NCAM1: variants seen among roughly 807,000 people sequenced by gnomAD.
NCAM1 encodes the protein neural cell adhesion molecule 1.
Under a neutral mutation model 109.8 loss-of-function variants are expected in NCAM1, and 14 were observed. The ratio of observed to expected loss-of-function variants is 0.13; its 90% CI spans 0.08 to 0.20. The LOEUF is 0.20. Ranked by LOEUF, NCAM1 falls within the 10% of genes least tolerant of loss-of-function variation. The probability of loss-of-function intolerance (pLI) is 1.00; values close to 1 mark genes in which losing one functional copy is unlikely to be tolerated. For synonymous variants in NCAM1, 418 were observed against 442.9 expected (o/e 0.94, Z 0.70); for missense variants, 774 against 1,109.9 (o/e 0.70, Z 4.30).
At chr11:113,163,446 T>C (rs1942671508) in intron 1 of NCAM1, among the ~76,000 whole-genome samples, 2 of 152,214 alleles carry the variant, frequency 1.3e-5, no homozygotes, top group Non-Finnish European at 2.9e-5. Flanking sequence ...GTTTCGCTAT[T>C]GACCTGGTCC....
intron 9 of NCAM1, among the ~76,000 whole-genome samples, chr11:113,228,435 T>C (rs1555116623): frequency 1.3e-5 from 2 of 152,024 alleles, no homozygotes; most frequent in Non-Finnish European, 2.9e-5. Flanking sequence ...AATAAGAGGA[T>C]ACAAACAAAT....
At chr11:113,260,393 G>C in intron 17 of NCAM1, 70 bp downstream of exon 17, 1 of 1,497,844 alleles carries the variant, frequency 6.7e-7, no homozygotes, top group Non-Finnish European at 9.1e-7. Flanking sequence ...CTCCTAATGC[G>C]CCTGAACAAC....
At chr11:113,078,415 C>T (rs572767277) in intron 1 of NCAM1, among the ~76,000 whole-genome samples, 125 of 151,954 alleles carry the variant, frequency 8.2e-4, no homozygotes, top group Middle Eastern at 3.4e-3. Context: ...TCTTATTCAC[C>T]GGCACTGGGG....
chr11:113,037,217 A>G (rs1465216611), intron 1 of NCAM1, among the ~76,000 whole-genome samples: 1 of 152,202 alleles, frequency 6.6e-6, no homozygotes, highest in Non-Finnish European at 1.5e-5. Context: ...TATAATTTAG[A>G]GAGGACGTTA....
chr11:113,042,477 A>C (rs1464271516), intron 1 of NCAM1, among the ~76,000 whole-genome samples: 1 of 151,798 alleles, frequency 6.6e-6, no homozygotes, highest in African/African-American at 2.4e-5. Flanking sequence ...GGGCTTCTTC[A>C]CTTGTTCCCA....
intron 1 of NCAM1, among the ~76,000 whole-genome samples, chr11:113,157,293 A>C (rs188471671): frequency 1.6e-4 from 25 of 152,326 alleles, no homozygotes; most frequent in African/African-American, 4.8e-4. Context: ...TTTGAAATTT[A>C]GTTCATTAGA....
chr11:113,012,910 G>A (rs1450700818), intron 1 of NCAM1, among the ~76,000 whole-genome samples: 1 of 152,168 alleles, frequency 6.6e-6, no homozygotes, highest in African/African-American at 2.4e-5. Flanking sequence ...TTAGGAGATA[G>A]ATGCTGAAGT....
chr11:113,074,758 A>T (rs573694105), intron 1 of NCAM1, among the ~76,000 whole-genome samples: 30 of 152,014 alleles, frequency 2.0e-4, no homozygotes, highest in African/African-American at 6.3e-4. Context: ...CAGCCCCCCA[A>T]ATAGCTGGGA....
At chr11:113,270,873 C>T (rs547401310) in intron 18 of NCAM1, among the ~76,000 whole-genome samples, 1 of 152,230 alleles carries the variant, frequency 6.6e-6, no homozygotes, top group East Asian at 1.9e-4. Context: ...AAATTCTTGT[C>T]CTTATGGAGC....
intron 1 of NCAM1, among the ~76,000 whole-genome samples, chr11:113,169,372 T>A (rs1264657371): frequency 2.6e-5 from 4 of 152,162 alleles, no homozygotes; most frequent in African/African-American, 9.7e-5. Flanking sequence ...AGAGAAAAGA[T>A]GTTTGCTTAG....
chr11:113,061,882 T>G (rs1937662684), intron 1 of NCAM1, among the ~76,000 whole-genome samples: 1 of 152,204 alleles, frequency 6.6e-6, no homozygotes, highest in African/African-American at 2.4e-5. Context: ...TGTGTGTATT[T>G]ACAACCCCCT....
At chr11:113,226,763 A>C (rs1020571854) in intron 9 of NCAM1, among the ~76,000 whole-genome samples, 4 of 152,246 alleles carry the variant, frequency 2.6e-5, no homozygotes, top group Admixed American at 6.5e-5. Context: ...ACTAGAACTC[A>C]AGATTAAGAA....
chr11:112,964,032 GTTT>G (rs201733167), intron 1 of NCAM1, among the ~76,000 whole-genome samples: 5 of 149,968 alleles, frequency 3.3e-5, no homozygotes, highest in Admixed American at 3.3e-4. Flanking sequence ...TTGTACCATA[GTTT>G]TTTTTTAAAA....
chr11:113,220,351 G>A (rs1365912228), intron 8 of NCAM1, among the ~76,000 whole-genome samples: 1 of 152,078 alleles, frequency 6.6e-6, no homozygotes, highest in Non-Finnish European at 1.5e-5. Context: ...AAGGACTGGA[G>A]CCCTCCCTCA....
chr11:113,248,342 G>T (rs564523094), intron 15 of NCAM1, among the ~76,000 whole-genome samples: 1 of 152,222 alleles, frequency 6.6e-6, no homozygotes, highest in South Asian at 2.1e-4. Context: ...TCTGCAAGGG[G>T]GCAAGCTGAA....
At chr11:113,200,494 T>C (rs1273396065) in intron 1 of NCAM1, among the ~76,000 whole-genome samples, 2 of 152,176 alleles carry the variant, frequency 1.3e-5, no homozygotes, top group Non-Finnish European at 2.9e-5. Context: ...ATGGAAACGT[T>C]TTGCCCTCTG....
chr11:112,964,373 A>G (rs1182394613), intron 1 of NCAM1, among the ~76,000 whole-genome samples: 1 of 152,132 alleles, frequency 6.6e-6, no homozygotes, highest in Non-Finnish European at 1.5e-5. Context: ...TTATTCTAGT[A>G]TAAATTTTGG....
intron 1 of NCAM1, among the ~76,000 whole-genome samples, chr11:113,138,736 G>A (rs1941705042): frequency 6.6e-6 from 1 of 152,060 alleles, no homozygotes; most frequent in Non-Finnish European, 1.5e-5. Context: ...CTGCTTTCTT[G>A]CCCCTTAGAT....
rs1166896086 is a variant in NCAM1 at position 113,273,509 on chromosome 11, A to G, written c.2456+1633A>G. ...GAGCCGCGAAGAGCCCGGCCGAGGC[A>G]GCCACAGCCCTTGCTAGCCCGAAGA... is the stretch of plus-strand genomic sequence containing the variant. On this transcript the variant is annotated intron_variant, in intron 19 of 19. Transcript: ENST00000316851. The surrounding 1 kb of genome is among the most constrained non-coding windows in gnomAD (Gnocchi z 6.0). 1.5e-5 allele frequency: 5 copies of G among 333,552 alleles called. No individual in the cohort carries two copies. In the Admixed American group the frequency reaches 1.9e-4, roughly 13 times the overall value. The allele number at this position is 333,552 out of a possible 1,614,324, so 20.7% of individuals were successfully genotyped here.
Sources: gnomAD v4.1 joint callset for allele counts (sites outside exome capture counted in the v4.1 genomes callset) on GRCh38, gnomAD v4.1.1 for gene constraint, Gnocchi (gnomAD v3.1) non-coding constraint, MANE v1.5 for transcripts, NCBI Gene and HGNC (gene_info 2026-07-23, HGNC 2026-07-21) for gene names.